Variants in SNTG2 observed in about 807,000 individuals in gnomAD.
SNTG2 encodes the protein syntrophin gamma 2.
A neutral mutation model predicts 70.9 loss-of-function variants in SNTG2; 74 were observed. The observed-to-expected ratio is 1.04, with a 90% CI of 0.86 to 1.27. The LOEUF (loss-of-function observed/expected upper bound fraction) is 1.27, where lower values mean the gene tolerates loss of function less well. Among genes scored for constraint, SNTG2 ranks in the 50% most tolerant of loss-of-function variants. The probability of loss-of-function intolerance (pLI) is 0.00; values close to 1 mark genes in which losing one functional copy is unlikely to be tolerated. For missense variants in SNTG2, 717 were observed against 690.7 expected (o/e 1.04, Z -0.43); for synonymous variants, 278 against 273.8 (o/e 1.02, Z -0.15).
intron 8 of SNTG2, among the ~76,000 whole-genome samples, chr2:1,173,517 C>T (rs982101459): frequency 2.6e-5 from 4 of 152,252 alleles, no homozygotes; most frequent in Non-Finnish European, 4.4e-5. Flanking sequence ...TTCTGTGAGA[C>T]TCCCATGAAT....
intron 13 of SNTG2, among the ~76,000 whole-genome samples, chr2:1,263,553 T>TG (rs933875428): frequency 6.6e-6 from 1 of 150,802 alleles, no homozygotes; most frequent in Non-Finnish European, 1.5e-5. Flanking sequence ...CAGTCCTAGG[T>TG]GGGGGGTGGG....
chr2:1,028,143 T>G lies in SNTG2; in HGVS notation c.73-55375T>G, dbSNP rs1660594685. On this transcript the variant is annotated intron_variant, in intron 1 of 16. Transcript: ENST00000308624. ...TCTGTTGAGTAAAGAGATAAGCAGG[T>G]GCATCACTGAAGGTGCGTCTGACCC... 2.0e-5 allele frequency among the ~76,000 whole-genome samples: 3 copies of G among 150,074 alleles called. No individual in the cohort carries two copies. In the South Asian group the frequency reaches 6.3e-4, roughly 32 times the overall value.
intron 1 of SNTG2, among the ~76,000 whole-genome samples, chr2:1,040,908 T>C (rs1051803916): frequency 9.9e-5 from 15 of 152,228 alleles, no homozygotes. Flanking sequence ...TTTCTGAGTT[T>C]GCTTCATGTT....
At chr2:1,322,406 G>A (rs1014783681) in intron 16 of SNTG2, among the ~76,000 whole-genome samples, 10 of 152,194 alleles carry the variant, frequency 6.6e-5, no homozygotes, top group Non-Finnish European at 1.2e-4. Context: ...GGTCAGGTGC[G>A]TCCTGGGACT....
intron 1 of SNTG2, among the ~76,000 whole-genome samples, chr2:997,623 C>T (rs1227624704): frequency 1.1e-4 from 17 of 152,088 alleles, no homozygotes; most frequent in Admixed American, 1.1e-3. Context: ...TTGAGACCTC[C>T]CCATCACTCA....
In SNTG2 at chr2:1,346,496, G is replaced by A. The variant is rs142242838; in HGVS notation, c.1489-20847G>A. On this transcript the variant is annotated intron_variant, in intron 16 of 16. Transcript: ENST00000308624. ...CATCCCACCCAACCTCTCCAGTGCC[G>A]AATTCCAGGGGCAGCCAGGACATGA... 335 of 152,356 alleles carry A rather than the reference G, an allele frequency of 2.2e-3. 1 individual carries two copies. The highest frequency in any genetic ancestry group is 5.2e-3 in the African/African-American group (214 of 41,546). The allele number at this position is 152,356 out of a possible 1,614,324, so 9.4% of individuals were successfully genotyped here.
At chr2:981,422 G>A (rs1661090395) in intron 1 of SNTG2, among the ~76,000 whole-genome samples, 1 of 150,376 alleles carries the variant, frequency 6.6e-6, no homozygotes, top group Non-Finnish European at 1.5e-5. Flanking sequence ...ACTTCCACAA[G>A]CACATGTGCA....
intron 1 of SNTG2, among the ~76,000 whole-genome samples, chr2:1,042,045 A>G (rs8179874): frequency 0.068 from 10,412 of 152,308 alleles, 487 homozygotes; most frequent in East Asian, 0.17. Context: ...ATGTAACACT[A>G]CAAAGAACTA....
chr2:957,710 TACTGAGACTGAG>T (rs59010729), intron 1 of SNTG2, among the ~76,000 whole-genome samples: 14 of 151,856 alleles, frequency 9.2e-5, no homozygotes, highest in African/African-American at 2.9e-4. Context: ...GCGAGACTGG[TACTGAGACTGAG>T]ACTGAGACTG....
At position 1,097,127 on chromosome 2, in the gene SNTG2, AT is replaced by A. The variant is rs113976066; in HGVS notation, c.211-1066del. 7.8e-4 allele frequency among the ~76,000 whole-genome samples: 119 copies of A among 152,288 alleles called. No individual in the cohort carries two copies. Among genetic ancestry groups the A allele is most frequent in the African/African-American group, 2.7e-3 (114 of 41,564 alleles). On this transcript the variant is annotated intron_variant, in intron 2 of 16. Coordinates refer to ENST00000308624, the MANE Select transcript of SNTG2 (RefSeq NM_018968.4). This position sits in a 1 kb window ranked among gnomAD's most constrained non-coding sequence, Gnocchi z 4.1. Reference sequence around the variant, plus strand: ...CATATACACACTTTAACACAGGTATATTTGCTCTAATTTTTGGTTTCTTTCC... The same window carrying A: ...CATATACACACTTTAACACAGGTATATTGCTCTAATTTTTGGTTTCTTTCC...
chr2:1,232,504 G>C (rs1212746023), intron 9 of SNTG2, among the ~76,000 whole-genome samples: 1 of 152,010 alleles, frequency 6.6e-6, no homozygotes, highest in African/African-American at 2.4e-5. Context: ...CACCATGTTG[G>C]TCAGGCTGGT....
intron 12 of SNTG2, among the ~76,000 whole-genome samples, chr2:1,257,450 T>C (rs1328158853): frequency 6.6e-6 from 1 of 152,136 alleles, no homozygotes; most frequent in Non-Finnish European, 1.5e-5. Context: ...AAGGCAGGAC[T>C]ACGGCAAAAC....
At chr2:1,285,353 T>G (rs576342022) in intron 14 of SNTG2, among the ~76,000 whole-genome samples, 1 of 152,262 alleles carries the variant, frequency 6.6e-6, no homozygotes, top group Non-Finnish European at 1.5e-5. Context: ...CACTCAGTAT[T>G]AACCACCATA....
intron 1 of SNTG2, among the ~76,000 whole-genome samples, chr2:1,019,039 A>G (rs1195885729): frequency 8.5e-5 from 13 of 152,170 alleles, no homozygotes; most frequent in South Asian, 4.1e-4. Flanking sequence ...ATGTTTTACT[A>G]GAAGGACCTG....
chr2:1,058,102 C>A (rs549387299), intron 1 of SNTG2, among the ~76,000 whole-genome samples: 8 of 151,760 alleles, frequency 5.3e-5, no homozygotes, highest in Non-Finnish European at 8.8e-5. Flanking sequence ...TATCTGCATT[C>A]TTTTCTGCTC....
chr2:1,278,164 C>T (rs1679344795), intron 14 of SNTG2, among the ~76,000 whole-genome samples: 1 of 152,210 alleles, frequency 6.6e-6, no homozygotes, highest in African/African-American at 2.4e-5. Flanking sequence ...ACATGCACTT[C>T]ACCTGCTTAA....
intron 4 of SNTG2, among the ~76,000 whole-genome samples, chr2:1,131,202 A>T (rs1667991249): frequency 6.6e-6 from 1 of 152,066 alleles, no homozygotes; most frequent in Non-Finnish European, 1.5e-5. Flanking sequence ...TTCCTGGGTG[A>T]ATTTGCTGAA....
chr2:1,259,527 G>A (rs1382945091), intron 13 of SNTG2, 86 bp downstream of exon 13: 3 of 1,106,416 alleles, frequency 2.7e-6, no homozygotes, highest in Non-Finnish European at 4.1e-6. Flanking sequence ...TGTTCTGCGT[G>A]GTCCATTGAA....
intron 16 of SNTG2, among the ~76,000 whole-genome samples, chr2:1,323,854 C>G (rs1013676572): frequency 6.6e-6 from 1 of 151,226 alleles, no homozygotes; most frequent in Non-Finnish European, 1.5e-5. Context: ...GGCTAACAGT[C>G]ATATTGCTGA....
Sources: gnomAD v4.1 joint callset for allele counts (sites outside exome capture counted in the v4.1 genomes callset) on GRCh38, gnomAD v4.1.1 for gene constraint, Gnocchi (gnomAD v3.1) non-coding constraint, MANE v1.5 for transcripts, NCBI Gene and HGNC (gene_info 2026-07-23, HGNC 2026-07-21) for gene names.